Variants in ATP10B observed in about 807,000 individuals in gnomAD.
ATP10B encodes the protein phospholipid-transporting ATPase VB.
ATP10B carries 122 observed loss-of-function variants against 141.2 expected under a neutral mutation model. That is an observed-to-expected ratio of 0.86 (90% CI 0.75 to 1.00). ATP10B has a LOEUF of 1.00. Among genes scored for constraint, ATP10B ranks in the 50% least tolerant of loss-of-function variants. ATP10B has a pLI of 0.00. For synonymous variants in ATP10B, 685 were observed against 692.0 expected, an observed-to-expected ratio of 0.99 and a Z score of 0.16; for missense variants, 1,876 against 1,825.3, an observed-to-expected ratio of 1.03 and a Z score of -0.51.
rs949009789 is a variant in ATP10B at position 160,597,715 on chromosome 5, C to A, written c.3564+1055G>T. 5.9e-5 allele frequency among the ~76,000 whole-genome samples: 9 copies of A among 151,876 alleles called. No homozygotes were observed. In the East Asian group the frequency reaches 1.5e-3, roughly 26 times the overall value. On this transcript the variant is annotated intron_variant, in intron 22 of 25. Transcript: ENST00000327245. ...AATTTACAAGAAAAAAATAAACAAC[C>A]CCATCAAAAAGTGGGCAAAGGACAT...
intron 1 of ATP10B, among the ~76,000 whole-genome samples, chr5:160,843,610 GAT>G (rs764268132): frequency 1.3e-5 from 2 of 151,892 alleles, no homozygotes; most frequent in South Asian, 2.1e-4. Context: ...AAAAAAATCT[GAT>G]AGAGATTTCC....
intron 1 of ATP10B, among the ~76,000 whole-genome samples, chr5:160,832,313 C>T (rs1401661404): frequency 2.0e-5 from 3 of 152,010 alleles, no homozygotes; most frequent in Non-Finnish European, 4.4e-5. Context: ...ACTAAATGTC[C>T]ATCAGTAAGA....
the ATP10B span, among the ~76,000 whole-genome samples, chr5:160,922,310 C>A: frequency 2.4e-4 from 37 of 152,278 alleles, no homozygotes; most frequent in South Asian, 7.7e-3. Flanking sequence ...TGGTTTTCTT[C>A]ATGTGCAAAA....
At chr5:160,704,721 T>A (rs1448506794) in intron 3 of ATP10B, among the ~76,000 whole-genome samples, 2 of 152,166 alleles carry the variant, frequency 1.3e-5, no homozygotes, top group African/African-American at 4.8e-5. Context: ...AAAACTCATC[T>A]ACACTAAAAA....
the ATP10B span, among the ~76,000 whole-genome samples, chr5:160,865,426 A>G: frequency 6.6e-6 from 1 of 152,198 alleles, no homozygotes; most frequent in African/African-American, 2.4e-5. Context: ...AATCAACTCA[A>G]GATGGATCAA....
intron 1 of ATP10B, among the ~76,000 whole-genome samples, chr5:160,812,023 A>AGAGAGAGAGAGAGC (rs1172965559): frequency 1.1e-4 from 1 of 9,514 alleles, no homozygotes; most frequent in Non-Finnish European, 2.7e-4. Context: ...ACAGAGACAG[A>AGAGAGAGAGAGAGC]GAGAGAGAGA....
intron 9 of ATP10B, among the ~76,000 whole-genome samples, chr5:160,643,391 C>T (rs1308667186): frequency 1.3e-5 from 2 of 152,158 alleles, no homozygotes. Flanking sequence ...TCCAGAGAGA[C>T]CATGTTTCCT....
At chr5:160,858,250 G>T in the ATP10B span, among the ~76,000 whole-genome samples, 1 of 151,712 alleles carries the variant, frequency 6.6e-6, no homozygotes, top group African/African-American at 2.4e-5. Flanking sequence ...TCTTTGTTCT[G>T]AAGTTTACTT....
intron 2 of ATP10B, among the ~76,000 whole-genome samples, chr5:160,783,446 C>CAT (rs368913170): frequency 0.097 from 11,639 of 120,278 alleles, 616 homozygotes; most frequent in Middle Eastern, 0.14. Context: ...ATATCCATCA[C>CAT]ATATATATAT....
At chr5:160,663,660 GGATAGCATTAGGAGATATACCT>G (rs11269697) in intron 7 of ATP10B, among the ~76,000 whole-genome samples, 114,799 of 149,564 alleles carry the variant, frequency 0.77, 44,672 homozygotes, top group Middle Eastern at 0.84. Context: ...GAGCGGGGAG[GGATAGCATTAGGAGATATACCT>G]AATGCTAAAT....
chr5:160,700,624 G>A (rs1330352261), intron 3 of ATP10B, among the ~76,000 whole-genome samples: 2 of 152,108 alleles, frequency 1.3e-5, no homozygotes, highest in Admixed American at 6.5e-5. Flanking sequence ...TTTTTCATAG[G>A]TGCTTTGGGC....
intron 2 of ATP10B, among the ~76,000 whole-genome samples, chr5:160,720,575 CTTG>C (rs1263629976): frequency 1.3e-5 from 2 of 152,218 alleles, no homozygotes; most frequent in African/African-American, 2.4e-5. Context: ...AATCTTGATC[CTTG>C]TTGTGTGATA....
At chr5:160,594,938 A>T (rs1756575294) in intron 22 of ATP10B, among the ~76,000 whole-genome samples, 1 of 152,240 alleles carries the variant, frequency 6.6e-6, no homozygotes, top group South Asian at 2.1e-4. Context: ...CCGCACAATA[A>T]TAGTGGGAGA....
chr5:160,910,660 ATCAGT>A, the ATP10B span, among the ~76,000 whole-genome samples: 10 of 152,352 alleles, frequency 6.6e-5, no homozygotes, highest in Non-Finnish European at 1.3e-4. Flanking sequence ...TAGTAAGATA[ATCAGT>A]TCAGTAATTT....
chr5:160,642,545 A>G (rs1348019456), intron 9 of ATP10B, among the ~76,000 whole-genome samples: 2 of 152,150 alleles, frequency 1.3e-5, no homozygotes, highest in South Asian at 4.1e-4. Flanking sequence ...GTGCTAATGC[A>G]TCTTGTGGGT....
At chr5:160,768,678 C>T (rs1023612606) in intron 2 of ATP10B, among the ~76,000 whole-genome samples, 5 of 152,162 alleles carry the variant, frequency 3.3e-5, no homozygotes, top group Admixed American at 6.5e-5. Context: ...TTAACAGCAT[C>T]GTAGTTTTAT....
chr5:160,739,023 G>T (rs561546560), intron 2 of ATP10B, among the ~76,000 whole-genome samples: 6 of 152,144 alleles, frequency 3.9e-5, no homozygotes, highest in Admixed American at 3.3e-4. Context: ...GGAAATCAAG[G>T]TTGGATTTAA....
intron 2 of ATP10B, among the ~76,000 whole-genome samples, chr5:160,737,250 A>G (rs1347678227): frequency 2.0e-5 from 3 of 152,216 alleles, no homozygotes; most frequent in African/African-American, 7.2e-5. Flanking sequence ...GAGGGAACAT[A>G]CCTCAACATA....
chr5:160,804,983 C>T (rs1241021630), intron 1 of ATP10B, among the ~76,000 whole-genome samples: 1 of 152,072 alleles, frequency 6.6e-6, no homozygotes, highest in Admixed American at 6.5e-5. Flanking sequence ...TACATGGGTT[C>T]CCTCAAATAT....
Sources: gnomAD v4.1 joint callset for allele counts (sites outside exome capture counted in the v4.1 genomes callset) on GRCh38, gnomAD v4.1.1 for gene constraint, MANE v1.5 for transcripts, NCBI Gene and HGNC (gene_info 2026-07-23, HGNC 2026-07-21) for gene names.